The following PXK variants were observed in gnomAD, a reference collection of about 807,000 sequenced individuals.
PXK encodes the protein PX domain-containing protein kinase-like protein.
In PXK, 35 loss-of-function variants were observed where a neutral mutation model predicts 84.7. That is an observed-to-expected ratio of 0.41 (90% CI 0.32 to 0.55). PXK has a LOEUF of 0.55. PXK is among the 20% of genes least tolerant of loss of function. The probability of loss-of-function intolerance (pLI) is 0.21; values close to 1 mark genes in which losing one functional copy is unlikely to be tolerated. For missense variants in PXK, 634 were observed against 699.7 expected (o/e 0.91, Z 1.06); for synonymous variants, 253 against 260.8 (o/e 0.97, Z 0.29).
rs2059636066 is a variant in PXK at position 58,407,947 on chromosome 3, C to A, written c.1231-977C>A. The stretch of plus-strand genomic sequence containing the variant: ...CATATCCAAGAAATCACTGCCAAAT[C>A]CAGTGTCAAGAAGCTTTTCCCCTGT... On this transcript the variant is annotated intron_variant, in intron 13 of 17. Transcript: ENST00000356151. The surrounding 1 kb of genome is among the most constrained non-coding windows in gnomAD (Gnocchi z 4.3). Among the ~76,000 whole-genome samples, 1 of 152,158 alleles carries A rather than the reference C, an allele frequency of 6.6e-6. No individual in the cohort carries two copies. The highest frequency in any genetic ancestry group is 2.1e-4 in the South Asian group (1 of 4,832).
intron 1 of PXK, among the ~76,000 whole-genome samples, chr3:58,341,582 C>T (rs2097731518): frequency 6.6e-6 from 1 of 151,962 alleles, no homozygotes; most frequent in Non-Finnish European, 1.5e-5. Context: ...CAAAACAAAA[C>T]TTTATATAAT....
At chr3:58,380,338 T>C (rs530229258) in intron 3 of PXK, among the ~76,000 whole-genome samples, 136 of 151,302 alleles carry the variant, frequency 9.0e-4, no homozygotes, top group African/African-American at 3.2e-3. Flanking sequence ...GAGGCTGGGG[T>C]GACAGGATCT....
intron 1 of PXK, among the ~76,000 whole-genome samples, chr3:58,336,067 A>T (rs1252910642): frequency 6.7e-5 from 4 of 59,534 alleles, no homozygotes; most frequent in African/African-American, 3.0e-4. Context: ...ATATATATAT[A>T]TATATTTTTT....
At chr3:58,360,393 C>G (rs906924812) in intron 1 of PXK, among the ~76,000 whole-genome samples, 1 of 152,170 alleles carries the variant, frequency 6.6e-6, no homozygotes, top group Non-Finnish European at 1.5e-5. Flanking sequence ...AGGTTAACGT[C>G]TCATTTGGCT....
chr3:58,395,590 C>A, intron 8 of PXK, 68 bp from the exon 9 acceptor site: 1 of 1,235,120 alleles, frequency 8.1e-7, no homozygotes, highest in Non-Finnish European at 1.2e-6. Flanking sequence ...CCTGCCTGGT[C>A]AGGGAGTCTG....
intron 1 of PXK, among the ~76,000 whole-genome samples, chr3:58,345,356 T>C (rs1318520804): frequency 6.6e-6 from 1 of 152,208 alleles, no homozygotes; most frequent in African/African-American, 2.4e-5. Context: ...ATTTTAAATA[T>C]AAAAATATTT....
In PXK at chr3:58,409,434, A is replaced by T. The variant is rs1409195630; in HGVS notation, c.1309-98A>T. Reference sequence around the variant, plus strand: ...CCTGAGCAAGGAAAGATTTTCTTTTATCCCAATAAAATGTGGTTTGCCAAA... The same window carrying T: ...CCTGAGCAAGGAAAGATTTTCTTTTTTCCCAATAAAATGTGGTTTGCCAAA... On this transcript the variant is annotated intron_variant, in intron 14 of 17. Coordinates refer to ENST00000356151, the MANE Select transcript of PXK (RefSeq NM_017771.5). This position sits in a 1 kb window ranked among gnomAD's most constrained non-coding sequence, Gnocchi z 4.2. The T allele has an allele frequency of 5.4e-6, 6 of 1,110,256 alleles. No individual in the cohort carries two copies. The highest frequency in any genetic ancestry group is 2.0e-4 in the Middle Eastern group (1 of 5,078). 68.8% of individuals were successfully genotyped at this position (1,110,256 alleles called of 1,614,324 possible). A position where few individuals can be genotyped will look rare whatever the true frequency, so the allele number is the denominator to read the frequency against.
intron 3 of PXK, among the ~76,000 whole-genome samples, chr3:58,378,508 TTTTTTG>T (rs1459262620): frequency 8.2e-3 from 234 of 28,450 alleles, no homozygotes; most frequent in Non-Finnish European, 0.015. Flanking sequence ...TTTTTTTTTT[TTTTTTG>T]TGTGTGTGTG....
intron 12 of PXK, among the ~76,000 whole-genome samples, chr3:58,402,217 C>T (rs951716865): frequency 7.9e-5 from 12 of 151,852 alleles, no homozygotes; most frequent in African/African-American, 2.7e-4. Flanking sequence ...TCCTCCTCCT[C>T]TCTTCTCCTC....
chr3:58,374,031 G>A (rs1393424851), intron 3 of PXK, among the ~76,000 whole-genome samples: 2 of 137,684 alleles, frequency 1.5e-5, no homozygotes, highest in African/African-American at 2.7e-5. Context: ...GCGACAGAGC[G>A]AGACTCCGTC....
rs1230501436 is a variant in PXK, at chr3:58,399,789, G to C, written c.1181+412G>C. On this transcript the variant is annotated intron_variant, in intron 12 of 17. Transcript: ENST00000356151. The surrounding 1 kb of genome is among the most constrained non-coding windows in gnomAD (Gnocchi z 4.3). ...GTTCACAAGTCACAGGGCCTTGAAG[G>C]GTCTGCCCTCCAGGAAGAGGGCAAC... Among the ~76,000 whole-genome samples, 1 of 151,946 alleles carries C rather than the reference G, an allele frequency of 6.6e-6. No individual in the cohort carries two copies. The highest frequency in any genetic ancestry group is 2.4e-5 in the African/African-American group (1 of 41,358).
intron 1 of PXK, among the ~76,000 whole-genome samples, chr3:58,355,874 G>A (rs1401017774): frequency 1.3e-5 from 2 of 152,196 alleles, no homozygotes; most frequent in Non-Finnish European, 2.9e-5. Flanking sequence ...GCTATGTCTG[G>A]CAGGTTGGAG....
chr3:58,417,270 G>A (rs1049956734), intron 17 of PXK, among the ~76,000 whole-genome samples: 3 of 152,196 alleles, frequency 2.0e-5, no homozygotes, highest in African/African-American at 4.8e-5. Flanking sequence ...GCCTTTGGCA[G>A]TTTGCTCAGC....
intron 3 of PXK, among the ~76,000 whole-genome samples, chr3:58,378,399 T>C (rs1452541337): frequency 1.3e-5 from 2 of 152,030 alleles, no homozygotes. Flanking sequence ...CTCTTGAATA[T>C]GGGCTGATAA....
At chr3:58,394,319 T>TC (rs2098659877) in intron 7 of PXK, among the ~76,000 whole-genome samples, 1 of 152,220 alleles carries the variant, frequency 6.6e-6, no homozygotes, top group African/African-American at 2.4e-5. Flanking sequence ...AACAGCACTT[T>TC]CCTTTCACTC....
rs774549762 is a variant in PXK at position 58,409,696 on chromosome 3, A to G, written c.1395+78A>G. 3.0e-5 allele frequency: 34 copies of G among 1,146,490 alleles called. No homozygotes were observed. The highest frequency in any genetic ancestry group is 4.3e-5 in the Non-Finnish European group (34 of 799,988). 71.0% of individuals were successfully genotyped at this position (1,146,490 alleles called of 1,614,324 possible). On this transcript the variant is annotated intron_variant, in intron 15 of 17. Transcript: ENST00000356151. This position sits in a 1 kb window ranked among gnomAD's most constrained non-coding sequence, Gnocchi z 4.2. ...AGAAAGTTCTAGGTTAATGGTGCCC[A>G]TTTAATGACAGATGCTGTGCTATAT...
At position 58,414,525 on chromosome 3, in the gene PXK, A is replaced by C. The variant is rs1048255799; in HGVS notation, c.1528+1562A>C. On this transcript the variant is annotated intron_variant, in intron 17 of 17. Transcript: ENST00000356151. This position sits in a 1 kb window ranked among gnomAD's most constrained non-coding sequence, Gnocchi z 4.5. The stretch of plus-strand genomic sequence containing the variant: ...AGGTAACTTTTAGAATGAGAGAAAA[A>C]AAGAGGAATCTTGTATAATTAGAGT... 1 of 152,168 alleles carries C rather than the reference A, an allele frequency of 6.6e-6. No homozygotes were observed. The highest frequency in any genetic ancestry group is 1.5e-5 in the Non-Finnish European group (1 of 68,042). The allele number at this position is 152,168 out of a possible 1,614,324, so 9.4% of individuals were successfully genotyped here.
At chr3:58,373,956 A>G (rs962274758) in intron 3 of PXK, among the ~76,000 whole-genome samples, 3 of 151,326 alleles carry the variant, frequency 2.0e-5, no homozygotes, top group African/African-American at 7.3e-5. Context: ...GAGGCAGGAG[A>G]ATGGCGTGAA....
Position 58,411,474 on chromosome 3 carries a change from C to T in PXK, c.1465+1315C>T, listed in dbSNP as rs1287968145. The stretch of plus-strand genomic sequence containing the variant: ...GCTGGTGGGTAGTTTCAGTTGGAAG[C>T]CTATCTTCGCCATGGTTGATGGGAG... On this transcript the variant is annotated intron_variant, in intron 16 of 17. Coordinates refer to ENST00000356151, the MANE Select transcript of PXK (RefSeq NM_017771.5). This position sits in a 1 kb window ranked among gnomAD's most constrained non-coding sequence, Gnocchi z 4.2. Among the ~76,000 whole-genome samples, 1 of 152,142 alleles carries T rather than the reference C, an allele frequency of 6.6e-6. No individual in the cohort carries two copies. Among genetic ancestry groups the T allele is most frequent in the East Asian group, 1.9e-4 (1 of 5,184 alleles).
Sources: gnomAD v4.1 joint callset for allele counts (sites outside exome capture counted in the v4.1 genomes callset) on GRCh38, gnomAD v4.1.1 for gene constraint, Gnocchi (gnomAD v3.1) non-coding constraint, MANE v1.5 for transcripts, NCBI Gene and HGNC (gene_info 2026-07-23, HGNC 2026-07-21) for gene names.